Variants in ZNHIT6 observed in about 807,000 individuals in gnomAD.
ZNHIT6 encodes the protein zinc finger HIT-type containing 6.
In ZNHIT6, 45 loss-of-function variants were observed where a neutral mutation model predicts 57.2. That is an observed-to-expected ratio of 0.79 (90% CI 0.62 to 1.01). ZNHIT6 has a LOEUF of 1.01. Among genes scored for constraint, ZNHIT6 ranks in the 50% least tolerant of loss-of-function variants. The probability of loss-of-function intolerance (pLI) is 0.00; values close to 1 mark genes in which losing one functional copy is unlikely to be tolerated. For synonymous variants in ZNHIT6, 188 were observed against 190.0 expected (o/e 0.99, Z 0.09); for missense variants, 528 against 567.3 (o/e 0.93, Z 0.70).
intron 9 of ZNHIT6, 91 bp from the exon 10 acceptor site, chr1:85,654,189 AGC>A: frequency 8.8e-7 from 1 of 1,129,970 alleles, no homozygotes; most frequent in Non-Finnish European, 1.3e-6. Context: ...TCTGATGTAC[AGC>A]AAAAGCACTG....
At chr1:85,680,177 G>A (rs1393622499) in intron 6 of ZNHIT6, among the ~76,000 whole-genome samples, 1 of 152,198 alleles carries the variant, frequency 6.6e-6, no homozygotes. Context: ...CTGCACTCCA[G>A]CGTGGGCAAC....
chr1:85,686,256 C>G (rs1009492170), intron 5 of ZNHIT6, among the ~76,000 whole-genome samples: 1 of 152,158 alleles, frequency 6.6e-6, no homozygotes, highest in Non-Finnish European at 1.5e-5. Flanking sequence ...CCACCGCACC[C>G]ACCCTTAACA....
In ZNHIT6 at chr1:85,652,883, A is replaced by G. The variant is rs969349187; in HGVS notation, c.*1175T>C. The G allele has an allele frequency of 6.6e-6, 1 of 152,176 alleles. No homozygotes were observed. Among genetic ancestry groups the G allele is most frequent in the Non-Finnish European group, 1.5e-5 (1 of 68,034 alleles). The allele number at this position is 152,176 out of a possible 1,614,324, so 9.4% of individuals were successfully genotyped here. ...TGGTATAAACTCCAATAAAATTAAG[A>G]ATTTTTTTTCAGTACATGAGATCAA... On this transcript the variant is annotated 3_prime_UTR_variant, in exon 10 of 10. Transcript: ENST00000370574.
chr1:85,675,052 G>A (rs1205273742), intron 8 of ZNHIT6, among the ~76,000 whole-genome samples: 1 of 152,162 alleles, frequency 6.6e-6, no homozygotes, highest in Non-Finnish European at 1.5e-5. Context: ...TAGCATACCA[G>A]GGTTTTTGAG....
At chr1:85,655,275 CCT>C (rs1279947731) in intron 9 of ZNHIT6, among the ~76,000 whole-genome samples, 2 of 152,002 alleles carry the variant, frequency 1.3e-5, no homozygotes, top group Non-Finnish European at 2.9e-5. Flanking sequence ...CAAAAATCCT[CCT>C]CTCTCTCCCT....
intron 9 of ZNHIT6, among the ~76,000 whole-genome samples, chr1:85,657,415 C>CT (rs3835558): frequency 0.33 from 44,247 of 135,182 alleles, 7,658 homozygotes; most frequent in Non-Finnish European, 0.4. Context: ...GGATACTAGG[C>CT]TTTTTTTTTT....
Position 85,677,321 on chromosome 1 carries a change from A to G in ZNHIT6, c.1170-8T>C. 1 of 1,600,250 alleles carries G rather than the reference A, an allele frequency of 6.2e-7. No homozygotes were observed. The highest frequency in any genetic ancestry group is 8.5e-7 in the Non-Finnish European group (1 of 1,175,394). ...CGAATGTAGGCTTTCAACCTGAAAT[A>G]AAAACATCATATTGAAGGAAAAGCT... is the stretch of plus-strand genomic sequence containing the variant. On this transcript the variant is annotated splice_region_variant and splice_polypyrimidine_tract_variant and intron_variant, in intron 7 of 9. Transcript: ENST00000370574.
chr1:85,674,948 A>G (rs1661659376), intron 8 of ZNHIT6, among the ~76,000 whole-genome samples: 1 of 152,192 alleles, frequency 6.6e-6, no homozygotes, highest in Non-Finnish European at 1.5e-5. Flanking sequence ...AGTATAGGAC[A>G]CACTGCTTGG....
At chr1:85,667,961 A>AAAAAAAAAAAAAAATATGTATATAT in intron 8 of ZNHIT6, among the ~76,000 whole-genome samples, 1 of 18,200 alleles carries the variant, frequency 5.5e-5, no homozygotes, top group African/African-American at 2.1e-4. Context: ...AAAAAAAAAA[A>AAAAAAAAAAAAAAATATGTATATAT]ATATATATAT....
chr1:85,687,795 C>T (rs2100695451), intron 5 of ZNHIT6, among the ~76,000 whole-genome samples: 1 of 152,298 alleles, frequency 6.6e-6, no homozygotes, highest in Admixed American at 6.5e-5. Context: ...TTCCACATGT[C>T]TGTTTTCAGA....
At chr1:85,690,473 CT>C (rs1397970428) in intron 5 of ZNHIT6, among the ~76,000 whole-genome samples, 1 of 152,216 alleles carries the variant, frequency 6.6e-6, no homozygotes, top group East Asian at 1.9e-4. Context: ...ATTCTATCTT[CT>C]CTAGGAAGTC....
rs1481325735 is a variant in ZNHIT6, at chr1:85,653,478, T to C, written c.*580A>G. The C allele has an allele frequency of 6.6e-6, 1 of 151,942 alleles. No individual in the cohort carries two copies. Among genetic ancestry groups the C allele is most frequent in the African/African-American group, 2.4e-5 (1 of 41,358 alleles). The allele number at this position is 151,942 out of a possible 1,614,324, so 9.4% of individuals were successfully genotyped here. On this transcript the variant is annotated 3_prime_UTR_variant, in exon 10 of 10. Transcript: ENST00000370574. ...ACGCATGAAATTAACAAATAAAAAA[T>C]GTTCAAGGCCAGGTGTGGTGGCTGA...
intron 4 of ZNHIT6, among the ~76,000 whole-genome samples, 188 bp from the exon 5 acceptor site, chr1:85,702,448 A>G (rs1051862386): frequency 5.9e-5 from 9 of 152,210 alleles, no homozygotes; most frequent in Admixed American, 5.2e-4. Context: ...CATTTTAGCA[A>G]TAAAAATTAG....
chr1:85,688,974 A>G lies in ZNHIT6; in HGVS notation c.1020-8070T>C, dbSNP rs144413216. 9.4e-3 allele frequency among the ~76,000 whole-genome samples: 1,426 copies of G among 152,318 alleles called. 58 individuals are homozygous for G. The highest frequency in any genetic ancestry group is 0.063 in the Admixed American group (959 of 15,294). On this transcript the variant is annotated intron_variant, in intron 5 of 9. Coordinates refer to ENST00000370574, the MANE Select transcript of ZNHIT6 (RefSeq NM_017953.4). ...ATATAGCTCAAATCTGTTTAAACTG[A>G]GTATTCTATTTCATGCAACTATAAA...
chr1:85,685,432 G>T (rs753805605), intron 5 of ZNHIT6, among the ~76,000 whole-genome samples: 14 of 152,002 alleles, frequency 9.2e-5, no homozygotes, highest in Non-Finnish European at 1.8e-4. Flanking sequence ...TAAAACACAG[G>T]TTTATACATA....
At chr1:85,655,168 T>A (rs1661027451) in intron 9 of ZNHIT6, among the ~76,000 whole-genome samples, 1 of 152,190 alleles carries the variant, frequency 6.6e-6, no homozygotes, top group Admixed American at 6.5e-5. Flanking sequence ...CTCCATGATA[T>A]TAAAAGTTTT....
At chr1:85,706,863 G>GAGCTATGTTT (rs1662699104) in intron 1 of ZNHIT6, among the ~76,000 whole-genome samples, 1 of 152,164 alleles carries the variant, frequency 6.6e-6, no homozygotes, top group South Asian at 2.1e-4. Flanking sequence ...TCCAATTCAT[G>GAGCTATGTTT]AGCTATGTTT....
intron 8 of ZNHIT6, among the ~76,000 whole-genome samples, chr1:85,661,533 T>C (rs1160932996): frequency 6.6e-6 from 1 of 152,254 alleles, no homozygotes; most frequent in African/African-American, 2.4e-5. Context: ...GTGAACATAC[T>C]GCCTTTATGT....
rs776328563 is a variant in ZNHIT6, at chr1:85,657,923, G to A, written c.1296C>T (p.Asn432=). 5 of 1,593,478 alleles carry A rather than the reference G, an allele frequency of 3.1e-6. No individual in the cohort carries two copies. In the Admixed American group the frequency reaches 8.4e-5, roughly 27 times the overall value. Residue 432 remains asparagine (N), a synonymous_variant, in exon 9 of 10, where the codon AAC becomes AAT. Coordinates refer to ENST00000370574, the MANE Select transcript of ZNHIT6 (RefSeq NM_017953.4). ...PYKSLLDNLR[N]KVIIEYPTLH... ...ATGTTGGATACTCAATGATCACTTT[G>A]TTCCTCAAATTGTCTAGGAGACTTT...
Sources: gnomAD v4.1 joint callset for allele counts (sites outside exome capture counted in the v4.1 genomes callset) on GRCh38, gnomAD v4.1.1 for gene constraint, MANE v1.5 for transcripts, NCBI Gene and HGNC (gene_info 2026-07-23, HGNC 2026-07-21) for gene names.